KCNQ1: variants seen among roughly 807,000 people sequenced by gnomAD.
KCNQ1 encodes potassium voltage-gated channel subfamily KQT member 1.
In KCNQ1, 49 loss-of-function variants were observed where a neutral mutation model predicts 72.4. The ratio of observed to expected loss-of-function variants is 0.68; its 90% CI spans 0.54 to 0.86. The LOEUF (loss-of-function observed/expected upper bound fraction) is 0.86. Among genes scored for constraint, KCNQ1 ranks in the 40% least tolerant of loss-of-function variants. The probability of loss-of-function intolerance (pLI) is 0.00; values close to 1 mark genes in which losing one functional copy is unlikely to be tolerated. For synonymous variants in KCNQ1, 450 were observed against 412.6 expected, an observed-to-expected ratio of 1.09 and a Z score of -1.10; for missense variants, 790 against 945.1, an observed-to-expected ratio of 0.84 and a Z score of 2.15.
At position 2,600,459 on chromosome 11, in the gene KCNQ1, C is replaced by G. The variant is rs1475227012; in HGVS notation, c.1393+11605C>G. On this transcript the variant is annotated intron_variant, in intron 10 of 15. Coordinates refer to ENST00000155840, the MANE Select transcript of KCNQ1 (RefSeq NM_000218.3). This position sits in a 1 kb window ranked among gnomAD's most constrained non-coding sequence, Gnocchi z 5.6. ...GCCACATTTGCTTTATCATTTGAAC[C>G]CCTTTCTCTACATTATATTCACATA... Among the ~76,000 whole-genome samples the G allele has an allele frequency of 6.6e-6, 1 of 152,172 alleles. No homozygotes were observed. Among genetic ancestry groups the G allele is most frequent in the African/African-American group, 2.4e-5 (1 of 41,432 alleles).
chr11:2,588,695 T>C lies in KCNQ1; in HGVS notation c.1252-18T>C. On this transcript the variant is annotated intron_variant, in intron 9 of 15. Transcript: ENST00000155840. The surrounding 1 kb of genome is among the most constrained non-coding windows in gnomAD (Gnocchi z 5.6). Reference sequence around the variant, plus strand: ...ACGATGTCCAGGAACCGCTAATCTGTTGTCTTGTTTTTTTTAGGTAAAGAA... The same window carrying C: ...ACGATGTCCAGGAACCGCTAATCTGCTGTCTTGTTTTTTTTAGGTAAAGAA... 6.2e-7 allele frequency: 1 copy of C among 1,612,890 alleles called. No homozygotes were observed. Among genetic ancestry groups the C allele is most frequent in the East Asian group, 2.2e-5 (1 of 44,844 alleles).
chr11:2,513,416 A>T (rs972222937), intron 1 of KCNQ1, among the ~76,000 whole-genome samples: 14 of 152,042 alleles, frequency 9.2e-5, no homozygotes, highest in Non-Finnish European at 1.5e-5. Flanking sequence ...CTGGGATGGG[A>T]TCCACCTGCC....
At chr11:2,825,102 C>T (rs1403518458) in intron 15 of KCNQ1, among the ~76,000 whole-genome samples, 1 of 152,244 alleles carries the variant, frequency 6.6e-6, no homozygotes, top group African/African-American at 2.4e-5. Flanking sequence ...CTGGACACGG[C>T]TGTCCCATGC....
In KCNQ1 at chr11:2,623,553, T is replaced by C. The variant is rs1849209925; in HGVS notation, c.1393+34699T>C. The C allele has an allele frequency of 2.5e-6, 1 of 398,466 alleles. No homozygotes were observed. Among genetic ancestry groups the C allele is most frequent in the African/African-American group, 2.1e-5 (1 of 48,630 alleles). The allele number at this position is 398,466 out of a possible 1,614,324, so 24.7% of individuals were successfully genotyped here. A position where few individuals can be genotyped will look rare whatever the true frequency, so the allele number is the denominator to read the frequency against. ...TTTCTTCAGATTGCCTTATTTCACA[T>C]AGTAATATGTTTTTTAATTACCTCC... On this transcript the variant is annotated intron_variant, in intron 10 of 15. Coordinates refer to ENST00000155840, the MANE Select transcript of KCNQ1 (RefSeq NM_000218.3). The surrounding 1 kb of genome is among the most constrained non-coding windows in gnomAD (Gnocchi z 5.2).
chr11:2,512,276 G>C (rs867652119), intron 1 of KCNQ1, among the ~76,000 whole-genome samples: 1 of 152,218 alleles, frequency 6.6e-6, no homozygotes. Flanking sequence ...CGGGGCGGGA[G>C]AGGGCCGCAG....
Position 2,508,197 on chromosome 11 carries a change from T to C in KCNQ1, c.387-19731T>C, listed in dbSNP as rs1847136695. On this transcript the variant is annotated intron_variant, in intron 1 of 15. Coordinates refer to ENST00000155840, the MANE Select transcript of KCNQ1 (RefSeq NM_000218.3). The surrounding 1 kb of genome is among the most constrained non-coding windows in gnomAD (Gnocchi z 6.2). Reference sequence around the variant, plus strand: ...AGGTGAGGTTTGCAAACACTAGGCATGCATGTTTGAGGTACCACAACCTCC... The same window carrying C: ...AGGTGAGGTTTGCAAACACTAGGCACGCATGTTTGAGGTACCACAACCTCC... Among the ~76,000 whole-genome samples the C allele has an allele frequency of 6.6e-6, 1 of 152,182 alleles. No individual in the cohort carries two copies. Among genetic ancestry groups the C allele is most frequent in the Non-Finnish European group, 1.5e-5 (1 of 68,020 alleles).
At chr11:2,761,798 G>A (rs1157605945) in intron 11 of KCNQ1, among the ~76,000 whole-genome samples, 2 of 152,252 alleles carry the variant, frequency 1.3e-5, no homozygotes, top group Admixed American at 1.3e-4. Flanking sequence ...CTGGGGGCCT[G>A]GGCTGGCACC....
At position 2,766,301 on chromosome 11, in the gene KCNQ1, C is replaced by A. The variant is rs561111816; in HGVS notation, c.1515-2543C>A. 2.0e-5 allele frequency among the ~76,000 whole-genome samples: 3 copies of A among 152,176 alleles called. No individual in the cohort carries two copies. Among genetic ancestry groups the A allele is most frequent in the Non-Finnish European group, 2.9e-5 (2 of 68,036 alleles). ...CCAGTTGGGTGGTCTCACTTGGATT[C>A]GATGACATGGCAGTACTTGCATGGT... On this transcript the variant is annotated intron_variant, in intron 11 of 15. Transcript: ENST00000155840. This position sits in a 1 kb window ranked among gnomAD's most constrained non-coding sequence, Gnocchi z 4.4.
chr11:2,614,986 A>G (rs1849038042), intron 10 of KCNQ1: 1 of 398,340 alleles, frequency 2.5e-6, no homozygotes, highest in African/African-American at 2.1e-5. Context: ...ACTGGGTAAT[A>G]TCGCCAACTT....
chr11:2,509,744 AAG>A lies in KCNQ1; in HGVS notation c.387-18181_387-18180del, dbSNP rs1484113372. ...AGACAGTCCTGGGATAGGGAAAGAA[AAG>A]AGGGGCTTCCGGGGGTGGGGAGCGG... On this transcript the variant is annotated intron_variant, in intron 1 of 15. Transcript: ENST00000155840. This position sits in a 1 kb window ranked among gnomAD's most constrained non-coding sequence, Gnocchi z 6.3. Among the ~76,000 whole-genome samples the A allele has an allele frequency of 6.6e-6, 1 of 152,066 alleles. No homozygotes were observed. The highest frequency in any genetic ancestry group is 2.4e-5 in the African/African-American group (1 of 41,402).
Position 2,558,426 on chromosome 11 carries a change from G to T in KCNQ1, c.478-12202G>T, listed in dbSNP as rs185457559. 3.0e-4 allele frequency among the ~76,000 whole-genome samples: 40 copies of T among 133,776 alleles called. 1 individual carries two copies. The highest frequency in any genetic ancestry group is 7.1e-3 in the Middle Eastern group (2 of 282). The allele number at this position is 133,776 out of a possible 152,430, so 87.8% of individuals were successfully genotyped here. On this transcript the variant is annotated intron_variant, in intron 2 of 15. Coordinates refer to ENST00000155840, the MANE Select transcript of KCNQ1 (RefSeq NM_000218.3). ...TTCAGTGTGCTGGGGGTCTCCAGGC[G>T]GGGGGGTCCACATAGTTTTTGCTTC... is the stretch of plus-strand genomic sequence containing the variant.
At position 2,507,985 on chromosome 11, in the gene KCNQ1, C is replaced by T. The variant is rs1362201723; in HGVS notation, c.387-19943C>T. Among the ~76,000 whole-genome samples, 4 of 152,074 alleles carry T rather than the reference C, an allele frequency of 2.6e-5. No individual in the cohort carries two copies. Among genetic ancestry groups the T allele is most frequent in the Admixed American group, 2.6e-4 (4 of 15,276 alleles). ...GGGGTTATGAGTTTTATTCCACACA[C>T]GTATGTGGGAGTCTGGGTCCTGGTG... On this transcript the variant is annotated intron_variant, in intron 1 of 15. Coordinates refer to ENST00000155840, the MANE Select transcript of KCNQ1 (RefSeq NM_000218.3). The surrounding 1 kb of genome is among the most constrained non-coding windows in gnomAD (Gnocchi z 5.4).
chr11:2,658,303 T>C lies in KCNQ1; in HGVS notation c.1394-3658T>C. The C allele has an allele frequency of 2.5e-6, 1 of 398,576 alleles. No homozygotes were observed. Among genetic ancestry groups the C allele is most frequent in the East Asian group, 3.6e-5 (1 of 28,076 alleles). The allele number at this position is 398,576 out of a possible 1,614,324, so 24.7% of individuals were successfully genotyped here. A position where few individuals can be genotyped will look rare whatever the true frequency, so the allele number is the denominator to read the frequency against. On this transcript the variant is annotated intron_variant, in intron 10 of 15. Coordinates refer to ENST00000155840, the MANE Select transcript of KCNQ1 (RefSeq NM_000218.3). This position sits in a 1 kb window ranked among gnomAD's most constrained non-coding sequence, Gnocchi z 4.9. ...ACATTTTTTATTTGGAATTCCTTTATAAGGAAGATTTGTCCCTCTCCTCCA... is the reference window on the plus strand; with the variant it reads ...ACATTTTTTATTTGGAATTCCTTTACAAGGAAGATTTGTCCCTCTCCTCCA...
chr11:2,550,641 G>T lies in KCNQ1; in HGVS notation c.478-19987G>T, dbSNP rs961444261. On this transcript the variant is annotated intron_variant, in intron 2 of 15. Coordinates refer to ENST00000155840, the MANE Select transcript of KCNQ1 (RefSeq NM_000218.3). This position sits in a 1 kb window ranked among gnomAD's most constrained non-coding sequence, Gnocchi z 6.0. Reference sequence around the variant, plus strand: ...GCCTCCCTGAGCAGGTGAATGAAGGGTGCTGGGGTGGCGAGTTGAGGGCCA... The same window carrying T: ...GCCTCCCTGAGCAGGTGAATGAAGGTTGCTGGGGTGGCGAGTTGAGGGCCA... 3.3e-5 allele frequency among the ~76,000 whole-genome samples: 5 copies of T among 152,322 alleles called. No individual in the cohort carries two copies. Among genetic ancestry groups the T allele is most frequent in the Middle Eastern group, 3.4e-3 (1 of 294 alleles).
chr11:2,824,091 G>A lies in KCNQ1; in HGVS notation c.1795-23676G>A, dbSNP rs1031970533. ...GCCCTTTCCACAGCACAAACACCTT[G>A]ACACACACCGTCACACACACCCATA... is the stretch of plus-strand genomic sequence containing the variant. On this transcript the variant is annotated intron_variant, in intron 15 of 15. Coordinates refer to ENST00000155840, the MANE Select transcript of KCNQ1 (RefSeq NM_000218.3). This position sits in a 1 kb window ranked among gnomAD's most constrained non-coding sequence, Gnocchi z 5.9. Among the ~76,000 whole-genome samples the A allele has an allele frequency of 5.3e-5, 8 of 152,042 alleles. No homozygotes were observed. Among genetic ancestry groups the A allele is most frequent in the African/African-American group, 1.9e-4 (8 of 41,376 alleles).
chr11:2,774,283 C>T (rs1042354668), intron 12 of KCNQ1, among the ~76,000 whole-genome samples: 9 of 152,244 alleles, frequency 5.9e-5, no homozygotes, highest in Non-Finnish European at 1.0e-4. Context: ...TAGAGTCCAA[C>T]CCCATGCCTG....
rs1396599729 is a variant in KCNQ1 at position 2,647,600 on chromosome 11, G to A, written c.1394-14361G>A. ...ATGTTAGTTCTTTAAAGGTTTGGTA[G>A]AATTCAGTAGAAAACCCGTGCAATC... is the stretch of plus-strand genomic sequence containing the variant. On this transcript the variant is annotated intron_variant, in intron 10 of 15. Transcript: ENST00000155840. This position sits in a 1 kb window ranked among gnomAD's most constrained non-coding sequence, Gnocchi z 4.0. 1 of 398,424 alleles carries A rather than the reference G, an allele frequency of 2.5e-6. No individual in the cohort carries two copies. Among genetic ancestry groups the A allele is most frequent in the East Asian group, 3.6e-5 (1 of 28,066 alleles). 24.7% of individuals were successfully genotyped at this position (398,424 alleles called of 1,614,324 possible).
chr11:2,788,584 C>CT (rs147129460), intron 15 of KCNQ1, among the ~76,000 whole-genome samples: 11,958 of 150,054 alleles, frequency 0.08, 610 homozygotes, highest in Middle Eastern at 0.17. Context: ...ACACTCCTCT[C>CT]TCTGCTGCTG....
chr11:2,684,247 C>G, intron 11 of KCNQ1: 1 of 398,610 alleles, frequency 2.5e-6, no homozygotes, highest in Non-Finnish European at 4.4e-6. Flanking sequence ...CCAGTACCTT[C>G]TGGGATTGGA....
Sources: gnomAD v4.1 joint callset for allele counts (sites outside exome capture counted in the v4.1 genomes callset) on GRCh38, gnomAD v4.1.1 for gene constraint, Gnocchi (gnomAD v3.1) non-coding constraint, MANE v1.5 for transcripts, NCBI Gene and HGNC (gene_info 2026-07-23, HGNC 2026-07-21) for gene names.